NXPE2: variants seen among roughly 807,000 people sequenced by gnomAD.
NXPE2 encodes neurexophilin and PC-esterase domain family member 2.
A neutral mutation model predicts 34.4 loss-of-function variants in NXPE2; 34 were observed. The observed-to-expected ratio is 0.99, with a 90% confidence interval of 0.75 to 1.31. The LOEUF (loss-of-function observed/expected upper bound fraction) is 1.31. NXPE2 is among the 40% of genes most tolerant of loss of function. NXPE2 has a pLI of 0.00. For missense variants in NXPE2, 649 were observed against 672.5 expected (o/e 0.97, Z 0.39); for synonymous variants, 235 against 231.3 (o/e 1.02, Z -0.15).
At chr11:114,540,257 A>G in the NXPE2 span, among the ~76,000 whole-genome samples, 1 of 152,228 alleles carries the variant, frequency 6.6e-6, no homozygotes, top group Non-Finnish European at 1.5e-5. Context: ...TGCCCGGCCA[A>G]TAAATCCAAT....
the NXPE2 span, among the ~76,000 whole-genome samples, chr11:114,632,400 T>A: frequency 2.3e-5 from 3 of 132,834 alleles, no homozygotes; most frequent in Non-Finnish European, 4.6e-5. Flanking sequence ...AATATAAATA[T>A]ACATATATAA....
the NXPE2 span, among the ~76,000 whole-genome samples, chr11:114,547,556 G>A: frequency 6.6e-6 from 1 of 152,084 alleles, no homozygotes; most frequent in African/African-American, 2.4e-5. Context: ...CCAACATGGT[G>A]AAACGCATCT....
intron 3 of NXPE2, 36 bp from the exon 4 acceptor site, chr11:114,703,955 A>G: frequency 7.0e-7 from 1 of 1,436,980 alleles, no homozygotes; most frequent in Non-Finnish European, 9.6e-7. Flanking sequence ...TTATCTGGGC[A>G]GATATTAAGC....
At chr11:114,480,243 T>C in the NXPE2 span, among the ~76,000 whole-genome samples, 1 of 152,086 alleles carries the variant, frequency 6.6e-6, no homozygotes, top group African/African-American at 2.4e-5. Flanking sequence ...CAGACTGTTT[T>C]GGTCAAGGAA....
the NXPE2 span, among the ~76,000 whole-genome samples, chr11:114,551,635 T>A: frequency 6.6e-6 from 1 of 152,186 alleles, no homozygotes; most frequent in Non-Finnish European, 1.5e-5. Context: ...AAAATGCCTT[T>A]AAAGAAAGCC....
the NXPE2 span, among the ~76,000 whole-genome samples, chr11:114,733,065 T>G: frequency 3.9e-5 from 6 of 152,334 alleles, no homozygotes; most frequent in South Asian, 1.2e-3. Flanking sequence ...TGTCTTTTTT[T>G]GTAATGAATT....
At chr11:114,811,444 A>G in the NXPE2 span, among the ~76,000 whole-genome samples, 3,337 of 152,298 alleles carry the variant, frequency 0.022, 129 homozygotes, top group African/African-American at 0.076. Context: ...TAGCCTCATC[A>G]TTGTGATCAT....
the NXPE2 span, among the ~76,000 whole-genome samples, chr11:114,534,850 A>G: frequency 5.3e-5 from 8 of 152,210 alleles, no homozygotes; most frequent in African/African-American, 1.9e-4. Flanking sequence ...AAGTTGGAAA[A>G]CACTCTGCAG....
In NXPE2 at chr11:114,698,705, G is replaced by A; in HGVS notation, c.793G>A (p.Ala265Thr). ...GAGGCCTCAACATATGCCCTGTGAG[G>A]CCTTGACCCACATGACCACTAGGAC... ...CVRPQHMPCE[A>T]LTHMTTRTRN... is the part of the protein sequence containing the mutation. The change falls in exon 3 of 6, where the codon GCC (alanine) becomes ACC (threonine). Residue 265 changes from alanine (A) to threonine (T), a missense_variant. Transcript: ENST00000389586. The A allele has an allele frequency of 1.2e-6, 2 of 1,613,552 alleles. No individual in the cohort carries two copies. The highest frequency in any genetic ancestry group is 1.7e-5 in the Admixed American group (1 of 59,948).
chr11:114,574,204 G>C, the NXPE2 span, among the ~76,000 whole-genome samples: 3 of 152,042 alleles, frequency 2.0e-5, no homozygotes, highest in Non-Finnish European at 4.4e-5. Flanking sequence ...CTGGGATACA[G>C]CAAAAGTGAT....
chr11:114,668,821 A>G, the NXPE2 span, among the ~76,000 whole-genome samples: 1 of 152,170 alleles, frequency 6.6e-6, no homozygotes, highest in African/African-American at 2.4e-5. Flanking sequence ...ATCCTCTCCC[A>G]GAAATAACTG....
At chr11:114,805,088 C>A in the NXPE2 span, among the ~76,000 whole-genome samples, 1 of 152,022 alleles carries the variant, frequency 6.6e-6, no homozygotes, top group Non-Finnish European at 1.5e-5. Context: ...AATCAGAGCT[C>A]ACTCCTTAAA....
chr11:114,621,034 G>T, the NXPE2 span, among the ~76,000 whole-genome samples: 1 of 152,142 alleles, frequency 6.6e-6, no homozygotes. Context: ...CTGTTACGCA[G>T]TGCACAATAA....
chr11:114,533,782 G>T, the NXPE2 span, among the ~76,000 whole-genome samples: 3 of 152,248 alleles, frequency 2.0e-5, no homozygotes, highest in African/African-American at 7.2e-5. Context: ...AAACAAAGCG[G>T]CCGGGAAGCT....
At chr11:114,751,131 T>C in the NXPE2 span, among the ~76,000 whole-genome samples, 1 of 152,204 alleles carries the variant, frequency 6.6e-6, no homozygotes, top group African/African-American at 2.4e-5. Flanking sequence ...GAAGCATGCA[T>C]GGGCTTTTTA....
At chr11:114,476,893 G>A in the NXPE2 span, among the ~76,000 whole-genome samples, 1 of 152,214 alleles carries the variant, frequency 6.6e-6, no homozygotes, top group South Asian at 2.1e-4. Flanking sequence ...TGTGGAAGAG[G>A]TAATTGCTTA....
the NXPE2 span, among the ~76,000 whole-genome samples, chr11:114,590,580 T>G: frequency 2.1e-4 from 32 of 152,326 alleles, no homozygotes; most frequent in African/African-American, 7.2e-4. Flanking sequence ...AAGCAAGCCT[T>G]ACTTAAGGTA....
the NXPE2 span, among the ~76,000 whole-genome samples, chr11:114,566,572 G>C: frequency 6.6e-6 from 1 of 152,120 alleles, no homozygotes; most frequent in African/African-American, 2.4e-5. Context: ...AACCCAACTG[G>C]AATGTGTTGT....
chr11:114,485,297 C>T, the NXPE2 span, among the ~76,000 whole-genome samples: 5,837 of 151,962 alleles, frequency 0.038, 147 homozygotes, highest in Middle Eastern at 0.083. Flanking sequence ...CATCCTCCAC[C>T]TCCCAGGTGG....
Sources: allele counts gnomAD v4.1 joint callset (sites outside exome capture counted in the v4.1 genomes callset), GRCh38; gene constraint gnomAD v4.1.1; transcripts MANE v1.5; gene names NCBI Gene and HGNC (gene_info 2026-07-23, HGNC 2026-07-21).